The following IQUB variants were observed in gnomAD, a reference collection of about 807,000 sequenced individuals.
IQUB encodes IQ motif and ubiquitin-like domain-containing protein.
Under a neutral mutation model 86.4 loss-of-function variants are expected in IQUB, and 86 were observed. The ratio of observed to expected loss-of-function variants is 1.00; its 90% confidence interval spans 0.84 to 1.19. IQUB has a LOEUF of 1.19. Ranked by LOEUF, IQUB falls within the 50% of genes most tolerant of loss-of-function variation. The probability of loss-of-function intolerance (pLI) is 0.00; values close to 1 mark genes in which losing one functional copy is unlikely to be tolerated. For synonymous variants in IQUB, 289 were observed against 304.5 expected (o/e 0.95, Z 0.53); for missense variants, 946 against 916.9 (o/e 1.03, Z -0.41).
chr7:123,480,745 G>T (rs1268531580), intron 7 of IQUB, among the ~76,000 whole-genome samples: 2 of 146,026 alleles, frequency 1.4e-5, no homozygotes, highest in Admixed American at 1.3e-4. Context: ...CATTCACTTA[G>T]GTGCCATTTT....
chr7:123,502,964 T>C lies in IQUB; in HGVS notation c.847A>G (p.Ile283Val), dbSNP rs776807985. The C allele has an allele frequency of 5.0e-6, 8 of 1,612,024 alleles. No homozygotes were observed. The highest frequency in any genetic ancestry group is 6.8e-6 in the Non-Finnish European group (8 of 1,179,198). The change falls in exon 5 of 13, where the codon ATA (isoleucine) becomes GTA (valine). Residue 283 changes from isoleucine to valine, a missense_variant. Transcript: ENST00000324698. ...ATTACCTGCGTATCCCTACAAAATA[T>C]ACTGAGTCTTTCGGGAATCCTTTTA... ...VPKRIPERLS[I>V]FCRDTQTVFQ...
intron 8 of IQUB, among the ~76,000 whole-genome samples, chr7:123,471,180 A>G (rs1794506445): frequency 6.6e-6 from 1 of 152,068 alleles, no homozygotes; most frequent in South Asian, 2.1e-4. Context: ...TAAATAATGT[A>G]TTATTATCAG....
rs368660926 is a variant in IQUB at position 123,510,030 on chromosome 7, C to T, written c.403G>A (p.Val135Ile). ...TCCTGGCCCACTGGAATAAGTACAA[C>T]TTTTACTGTAAATTAAATAGAAAAG... ...SVEDSLATVKVVLIPVGQEIV... is the reference protein window; with the variant it reads ...SVEDSLATVKIVLIPVGQEIV... Residue 135 changes from valine (V) to isoleucine (I), a missense_variant, in exon 3 of 13, where the codon GTT (valine) becomes ATT (isoleucine). Val to Ile is a conservative substitution (Grantham distance 29, BLOSUM62 3). Transcript: ENST00000324698. 7.8e-6 allele frequency: 12 copies of T among 1,543,758 alleles called. No individual in the cohort carries two copies. The African/African-American group carries it at 1.5e-4, about 20-fold the overall frequency.
intron 7 of IQUB, among the ~76,000 whole-genome samples, chr7:123,484,155 A>T (rs1394315939): frequency 1.3e-5 from 2 of 152,096 alleles, no homozygotes; most frequent in Non-Finnish European, 2.9e-5. Flanking sequence ...TCAGGAATAC[A>T]TCATTCAGAA....
chr7:123,523,421 T>A (rs892491063), intron 1 of IQUB, among the ~76,000 whole-genome samples: 2 of 151,862 alleles, frequency 1.3e-5, no homozygotes, highest in African/African-American at 2.4e-5. Flanking sequence ...GATATCTCAT[T>A]GTGGTTTTGA....
intron 12 of IQUB, among the ~76,000 whole-genome samples, chr7:123,454,482 A>T (rs186472230): frequency 6.6e-6 from 1 of 152,252 alleles, no homozygotes. Context: ...ATACACATAG[A>T]AAACTTCCAG....
chr7:123,480,898 C>A (rs1245579402), intron 7 of IQUB, among the ~76,000 whole-genome samples: 1 of 152,042 alleles, frequency 6.6e-6, no homozygotes, highest in Admixed American at 6.6e-5. Context: ...AAATGTGCTG[C>A]ACAAACTTAA....
At chr7:123,523,495 T>C (rs1395211764) in intron 1 of IQUB, among the ~76,000 whole-genome samples, 1 of 152,224 alleles carries the variant, frequency 6.6e-6, no homozygotes, top group East Asian at 1.9e-4. Flanking sequence ...GCTGCATAAA[T>C]GTCTTCTTTT....
intron 8 of IQUB, among the ~76,000 whole-genome samples, chr7:123,469,780 T>G (rs751930798): frequency 6.6e-6 from 1 of 152,156 alleles, no homozygotes; most frequent in Non-Finnish European, 1.5e-5. Flanking sequence ...TTTTGTAGAG[T>G]AATTATGACA....
chr7:123,518,256 A>G lies in IQUB; in HGVS notation c.-4-5912T>C, dbSNP rs545594911. 2.6e-4 allele frequency among the ~76,000 whole-genome samples: 40 copies of G among 152,202 alleles called. No individual in the cohort carries two copies. The South Asian group carries it at 8.3e-3, about 32-fold the overall frequency. On this transcript the variant is annotated intron_variant, in intron 1 of 12. Transcript: ENST00000324698. ...TTCTGCCATCCTATCATATTTTGACAGTACTACTGCAACAGTCTCTTAGCT... is the reference window on the plus strand; with the variant it reads ...TTCTGCCATCCTATCATATTTTGACGGTACTACTGCAACAGTCTCTTAGCT...
At chr7:123,526,256 T>C (rs549527665) in intron 1 of IQUB, among the ~76,000 whole-genome samples, 1 of 152,292 alleles carries the variant, frequency 6.6e-6, no homozygotes, top group East Asian at 1.9e-4. Context: ...CTGGGTATCT[T>C]TGTTGACTTT....
At chr7:123,464,431 TG>T (rs1248045011) in intron 10 of IQUB, among the ~76,000 whole-genome samples, 2 of 151,912 alleles carry the variant, frequency 1.3e-5, no homozygotes, top group Non-Finnish European at 1.5e-5. Context: ...TAACTCCCTG[TG>T]AGGCCTCATG....
At chr7:123,516,855 T>C (rs998889293) in intron 1 of IQUB, among the ~76,000 whole-genome samples, 2 of 152,178 alleles carry the variant, frequency 1.3e-5, no homozygotes, top group Non-Finnish European at 2.9e-5. Context: ...TCTTTAGGAA[T>C]AGGAACTAAA....
At position 123,524,149 on chromosome 7, in the gene IQUB, CT is replaced by C. The variant is rs1429040441; in HGVS notation, c.-5+10342del. 2.7e-5 allele frequency among the ~76,000 whole-genome samples: 4 copies of C among 148,420 alleles called. No individual in the cohort carries two copies. The East Asian group carries it at 7.8e-4, about 29-fold the overall frequency. The stretch of plus-strand genomic sequence containing the variant: ...AAGTCAGGTAGTGTGATGCCTCCAG[CT>C]TTGTTCTTTTGGCTTAGGATTGACT... On this transcript the variant is annotated intron_variant, in intron 1 of 12. Transcript: ENST00000324698.
At chr7:123,496,013 G>A (rs952203685) in intron 7 of IQUB, among the ~76,000 whole-genome samples, 10 of 152,048 alleles carry the variant, frequency 6.6e-5, no homozygotes, top group African/African-American at 2.4e-4. Flanking sequence ...GATGACAAAA[G>A]AATATCCAAC....
chr7:123,473,060 C>CA (rs935865364), intron 8 of IQUB, among the ~76,000 whole-genome samples: 1 of 152,058 alleles, frequency 6.6e-6, no homozygotes, highest in Admixed American at 6.6e-5. Flanking sequence ...CAGGCTTCCA[C>CA]AAAAAAGAAG....
At chr7:123,463,068 A>ATATT (rs1375328475) in intron 10 of IQUB, among the ~76,000 whole-genome samples, 4 of 151,724 alleles carry the variant, frequency 2.6e-5, no homozygotes, top group African/African-American at 4.8e-5. Context: ...GTAGTTTGAG[A>ATATT]TATTAAAGAG....
chr7:123,481,184 G>A (rs1017837050), intron 7 of IQUB, among the ~76,000 whole-genome samples: 5 of 152,150 alleles, frequency 3.3e-5, no homozygotes, highest in Admixed American at 2.0e-4. Context: ...GCAACACGGC[G>A]TCAGTTTGTT....
intron 1 of IQUB, among the ~76,000 whole-genome samples, chr7:123,529,472 CTA>C (rs1797414865): frequency 1.8e-5 from 2 of 109,948 alleles, no homozygotes; most frequent in South Asian, 5.4e-4. Context: ...TAAGCTGTCT[CTA>C]GTGTTTTTTT....
Sources: gnomAD v4.1 joint callset for allele counts (sites outside exome capture counted in the v4.1 genomes callset) on GRCh38, gnomAD v4.1.1 for gene constraint, MANE v1.5 for transcripts, NCBI Gene and HGNC (gene_info 2026-07-23, HGNC 2026-07-21) for gene names.